CHDH: variants seen among roughly 807,000 people sequenced by gnomAD.
CHDH encodes choline dehydrogenase, mitochondrial.
CHDH carries 43 observed loss-of-function variants against 56.9 expected under a neutral mutation model. The ratio of observed to expected loss-of-function variants is 0.76; its 90% CI spans 0.59 to 0.97. The LOEUF is 0.97. CHDH is among the 50% of genes least tolerant of loss of function. The pLI is 0.00. For missense variants in CHDH, 816 were observed against 821.1 expected, an observed-to-expected ratio of 0.99 and a Z score of 0.08; for synonymous variants, 364 against 348.5, an observed-to-expected ratio of 1.04 and a Z score of -0.50.
Position 53,817,999 on chromosome 3 carries a change from G to A in CHDH, c.1563C>T (p.Pro521=), listed in dbSNP as rs751114246. ...HPSCTCKMGQ[P]SDPTAVVDPQ... is the part of the protein sequence containing the mutation. ...GATCCACCACGGCAGTGGGATCGGAGGGCTGGCCCATCTTACAGGTGCACG... is the reference window on the plus strand; with the variant it reads ...GATCCACCACGGCAGTGGGATCGGAAGGCTGGCCCATCTTACAGGTGCACG... The change falls in exon 9 of 9, where the codon CCC becomes CCT. Residue 521 remains proline, a synonymous_variant. Transcript: ENST00000315251. The A allele has an allele frequency of 6.2e-7, 1 of 1,614,218 alleles. No homozygotes were observed. The highest frequency in any genetic ancestry group is 2.2e-5 in the East Asian group (1 of 44,882).
chr3:53,820,391 C>T, intron 6 of CHDH, 83 bp downstream of exon 6: 1 of 1,495,034 alleles, frequency 6.7e-7, no homozygotes, highest in Non-Finnish European at 9.0e-7. Context: ...ACCCAGTGGC[C>T]AGAACCCCTG....
intron 6 of CHDH, 129 bp downstream of exon 6, chr3:53,820,345 C>T: frequency 8.8e-7 from 1 of 1,137,888 alleles, no homozygotes. Flanking sequence ...AAAACTGAGG[C>T]TCAGGGCTAA....
chr3:53,820,809 G>A (rs1576779014), intron 5 of CHDH, among the ~76,000 whole-genome samples: 1 of 152,238 alleles, frequency 6.6e-6, no homozygotes, highest in East Asian at 1.9e-4. Flanking sequence ...TGCCTCGGAT[G>A]CTGCCAAGGC....
At position 53,823,788 on chromosome 3, in the gene CHDH, G is replaced by C; in HGVS notation, c.221C>G (p.Pro74Arg). ...CTTGCTCCCCGCGAGCACGTCCTTG[G>C]GCCCGGCCTCCAGCAGCAGCACGCG... ...AERVLLLEAG[P>R]KDVLAGSKRL... Residue 74 changes from proline to arginine, a missense_variant, in exon 3 of 9, where the codon CCC (proline) becomes CGC (arginine). Coordinates refer to ENST00000315251, the MANE Select transcript of CHDH (RefSeq NM_018397.5). 1 of 1,574,806 alleles carries C rather than the reference G, an allele frequency of 6.3e-7. No individual in the cohort carries two copies. The highest frequency in any genetic ancestry group is 8.6e-7 in the Non-Finnish European group (1 of 1,163,516).
At position 53,823,543 on chromosome 3, in the gene CHDH, G is replaced by C; in HGVS notation, c.466C>G (p.Arg156Gly). ...DYERWQRQGA[R>G]GWDYAHCLPY... is the part of the protein sequence containing the mutation. ...AGGCAGTGCGCGTAGTCCCAGCCGCGGGCGCCCTGGCGCTGCCAGCGCTCG... is the reference window on the plus strand; with the variant it reads ...AGGCAGTGCGCGTAGTCCCAGCCGCCGGCGCCCTGGCGCTGCCAGCGCTCG... The change falls in exon 3 of 9, where the codon CGC (arginine) becomes GGC (glycine). Residue 156 changes from arginine to glycine, a missense_variant. Transcript: ENST00000315251. 6.5e-7 allele frequency: 1 copy of C among 1,542,288 alleles called. No homozygotes were observed. The highest frequency in any genetic ancestry group is 8.7e-7 in the Non-Finnish European group (1 of 1,146,026).
intron 2 of CHDH, among the ~76,000 whole-genome samples, chr3:53,834,183 A>C (rs11914948): frequency 0.021 from 3,216 of 152,344 alleles, 108 homozygotes; most frequent in African/African-American, 0.071. Flanking sequence ...GCAGTGGCTC[A>C]GGCCTGTAAT....
In CHDH at chr3:53,822,389, G is replaced by T. The variant is rs527550538; in HGVS notation, c.855+102C>A. 9 of 1,111,040 alleles carry T rather than the reference G, an allele frequency of 8.1e-6. No homozygotes were observed. In the East Asian group the frequency reaches 1.7e-4, roughly 21 times the overall value. 68.8% of individuals were successfully genotyped at this position (1,111,040 alleles called of 1,614,324 possible). On this transcript the variant is annotated intron_variant, in intron 4 of 8. Transcript: ENST00000315251. ...CCCCCGCCATCACAGGGATGAGCAC[G>T]TGGGTCTGGGGGTGAGGGCGTGACT...
Position 53,814,382 on chromosome 3 carries a change from A to AATGTT in CHDH, c.*3390_*3394dup, listed in dbSNP as rs2095612127. On this transcript the variant is annotated 3_prime_UTR_variant, in exon 9 of 9. Coordinates refer to ENST00000315251, the MANE Select transcript of CHDH (RefSeq NM_018397.5). ...CTGACTCCAGGGATGTTTTGTTGAA[A>AATGTT]ATGTTATTTCTCTAAAACAGTATTT... is the stretch of plus-strand genomic sequence containing the variant. 2 of 152,090 alleles carry AATGTT rather than the reference A, an allele frequency of 1.3e-5. No individual in the cohort carries two copies. Among genetic ancestry groups the AATGTT allele is most frequent in the South Asian group, 4.1e-4 (2 of 4,822 alleles). The allele number at this position is 152,090 out of a possible 1,614,324, so 9.4% of individuals were successfully genotyped here.
At chr3:53,821,838 A>G (rs1219182360) in intron 4 of CHDH, 62 bp from the exon 5 acceptor site, 13 of 1,594,960 alleles carry the variant, frequency 8.2e-6, no homozygotes, top group Non-Finnish European at 1.1e-5. Context: ...CTCACAGACC[A>G]GCGCCCTACT....
At position 53,822,023 on chromosome 3, in the gene CHDH, C is replaced by T. The variant is rs6445606; in HGVS notation, c.856-247G>A. ...TAGAAACAGGAGGGGAGGGCTTACA[C>T]GAGATAAATGAAAGCAGGCATTCAA... On this transcript the variant is annotated intron_variant, in intron 4 of 8. Transcript: ENST00000315251. Among the ~76,000 whole-genome samples the T allele has an allele frequency of 0.76, 115,752 of 152,026 alleles. 44,763 individuals are homozygous for T. Among genetic ancestry groups the T allele is most frequent in the East Asian group, 1 (5,167 of 5,180 alleles).
chr3:53,841,774 C>T (rs73841203), intron 1 of CHDH, among the ~76,000 whole-genome samples: 2,847 of 152,238 alleles, frequency 0.019, 56 homozygotes, highest in East Asian at 0.067. Context: ...CCCTAGGTTT[C>T]TAGTGTGCTC....
In CHDH at chr3:53,814,643, G is replaced by C. The variant is rs1391879987; in HGVS notation, c.*3134C>G. On this transcript the variant is annotated 3_prime_UTR_variant, in exon 9 of 9. Coordinates refer to ENST00000315251, the MANE Select transcript of CHDH (RefSeq NM_018397.5). ...CACTTCTGAGTGGCGGGACATGGTT[G>C]GGTGGAGAAGAATCTGTTTTTTTGT... The C allele has an allele frequency of 6.6e-6, 1 of 152,144 alleles. No homozygotes were observed. The highest frequency in any genetic ancestry group is 2.4e-5 in the African/African-American group (1 of 41,418). 9.4% of individuals were successfully genotyped at this position (152,144 alleles called of 1,614,324 possible).
rs186203697 is a variant in CHDH at position 53,818,828 on chromosome 3, T to G, written c.1366+110A>C. On this transcript the variant is annotated intron_variant, in intron 8 of 8. Transcript: ENST00000315251. Reference sequence around the variant, plus strand: ...TGACACGGTGGGGGACGACAGAGGGTCACTTGTGTCCTAGAAAGTGTAGTC... The same window carrying G: ...TGACACGGTGGGGGACGACAGAGGGGCACTTGTGTCCTAGAAAGTGTAGTC... 16 of 783,898 alleles carry G rather than the reference T, an allele frequency of 2.0e-5. No homozygotes were observed. The East Asian group carries it at 4.0e-4, about 20-fold the overall frequency. 48.6% of individuals were successfully genotyped at this position (783,898 alleles called of 1,614,324 possible).
chr3:53,828,795 G>A (rs1352142200), intron 2 of CHDH, among the ~76,000 whole-genome samples: 1 of 152,228 alleles, frequency 6.6e-6, no homozygotes, highest in African/African-American at 2.4e-5. Context: ...TTCATAGCTG[G>A]TGGGAGTGCT....
chr3:53,824,757 T>C (rs778417792), intron 2 of CHDH, among the ~76,000 whole-genome samples: 4 of 151,784 alleles, frequency 2.6e-5, no homozygotes, highest in Non-Finnish European at 5.9e-5. Context: ...CTAACAATGT[T>C]CAAATCAATC....
chr3:53,813,712 A>AAAT lies in CHDH; in HGVS notation c.*4062_*4064dup, dbSNP rs1228906185. 1.3e-5 allele frequency: 2 copies of AAAT among 152,174 alleles called. No individual in the cohort carries two copies. Among genetic ancestry groups the AAAT allele is most frequent in the East Asian group, 1.9e-4 (1 of 5,196 alleles). The allele number at this position is 152,174 out of a possible 1,614,324, so 9.4% of individuals were successfully genotyped here. A position where few individuals can be genotyped will look rare whatever the true frequency, so the allele number is the denominator to read the frequency against. ...CTGGTTCAACCTCTCATCGAATATT[A>AAAT]AATTTTTCTTTGTAAGAAAAATTTG... On this transcript the variant is annotated 3_prime_UTR_variant, in exon 9 of 9. Coordinates refer to ENST00000315251, the MANE Select transcript of CHDH (RefSeq NM_018397.5).
At chr3:53,823,210 C>A (rs2095631284) in intron 3 of CHDH, 96 bp downstream of exon 3, 4 of 1,191,682 alleles carry the variant, frequency 3.4e-6, no homozygotes, top group Non-Finnish European at 4.5e-6. Context: ...TGCCTCCTGA[C>A]CATGCTGGAG....
In CHDH at chr3:53,813,380, C is replaced by T. The variant is rs751568172; in HGVS notation, c.*4397G>A. On this transcript the variant is annotated 3_prime_UTR_variant, in exon 9 of 9. Transcript: ENST00000315251. ...GTCATTTGCCAGTGAGAGCCTCCGA[C>T]AGGGCAGGTACTGTGCCAGGGCAGC... is the stretch of plus-strand genomic sequence containing the variant. 12 of 152,324 alleles carry T rather than the reference C, an allele frequency of 7.9e-5. No individual in the cohort carries two copies. Among genetic ancestry groups the T allele is most frequent in the Admixed American group, 4.6e-4 (7 of 15,298 alleles). The allele number at this position is 152,324 out of a possible 1,614,324, so 9.4% of individuals were successfully genotyped here.
Position 53,817,589 on chromosome 3 carries a change from G to C in CHDH, c.*188C>G. ...CCCACAGGGAAAGGCTGGGGAAAAG[G>C]AGCTGGATTCACTGCCCAGTACTTG... On this transcript the variant is annotated 3_prime_UTR_variant, in exon 9 of 9. Coordinates refer to ENST00000315251, the MANE Select transcript of CHDH (RefSeq NM_018397.5). 1 of 566,494 alleles carries C rather than the reference G, an allele frequency of 1.8e-6. No individual in the cohort carries two copies. The highest frequency in any genetic ancestry group is 3.1e-6 in the Non-Finnish European group (1 of 326,760). The allele number at this position is 566,494 out of a possible 1,614,324, so 35.1% of individuals were successfully genotyped here.
Sources: gnomAD v4.1 joint callset for allele counts (sites outside exome capture counted in the v4.1 genomes callset) on GRCh38, gnomAD v4.1.1 for gene constraint, MANE v1.5 for transcripts, NCBI Gene and HGNC (gene_info 2026-07-23, HGNC 2026-07-21) for gene names.